Variants in SLC7A9 observed in about 807,000 individuals in gnomAD.
SLC7A9 encodes the protein B(0,+)-type amino acid transporter 1.
A neutral mutation model predicts 54.1 loss-of-function variants in SLC7A9; 38 were observed. The observed-to-expected ratio is 0.70, with a 90% confidence interval of 0.54 to 0.92. SLC7A9 has a LOEUF of 0.92. Among genes scored for constraint, SLC7A9 ranks in the 40% least tolerant of loss-of-function variants. The pLI is 0.00. For missense variants in SLC7A9, 537 were observed against 636.1 expected (o/e 0.84, Z 1.68); for synonymous variants, 264 against 258.9 (o/e 1.02, Z -0.19).
At chr19:32,864,928 G>A (rs1418019477) in intron 2 of SLC7A9, 152 bp from the exon 3 acceptor site, 14 of 922,428 alleles carry the variant, frequency 1.5e-5, no homozygotes, top group Admixed American at 2.0e-5. Context: ...TGGCAACACC[G>A]GGGCACCGCT....
In SLC7A9 at chr19:32,858,433, C is replaced by G; in HGVS notation, c.977+7G>C. ...CCACCCTGGGAGTGACGGTGGGGGT[C>G]CCCTACCTGCCCGCTGTGAAGCAGG... On this transcript the variant is annotated splice_region_variant and intron_variant, in intron 9 of 12. Coordinates refer to ENST00000023064, the MANE Select transcript of SLC7A9 (RefSeq NM_014270.5). 1 of 1,606,954 alleles carries G rather than the reference C, an allele frequency of 6.2e-7. No homozygotes were observed. Among genetic ancestry groups the G allele is most frequent in the Non-Finnish European group, 8.5e-7 (1 of 1,174,938 alleles).
In SLC7A9 at chr19:32,859,871, G is replaced by A. The variant is rs1279911121; in HGVS notation, c.843C>T (p.Thr281=). The change falls in exon 8 of 13, where the codon ACC becomes ACT. Residue 281 remains threonine, a synonymous_variant. Coordinates refer to ENST00000023064, the MANE Select transcript of SLC7A9 (RefSeq NM_014270.5). ...NVSYFTVMTA[T]ELLQSQAVAV... ...CCACCGCCTGGGACTGCAGGAGTTC[G>A]GTGGCAGTCATCACGGTGAAGTAGG... The A allele has an allele frequency of 1.1e-5, 18 of 1,614,136 alleles. No homozygotes were observed. The highest frequency in any genetic ancestry group is 1.7e-4 in the Middle Eastern group (1 of 6,060).
chr19:32,854,184 A>G (rs1229849656), intron 9 of SLC7A9, among the ~76,000 whole-genome samples: 2 of 151,688 alleles, frequency 1.3e-5, no homozygotes, highest in African/African-American at 4.8e-5. Flanking sequence ...GGCTAAGTCT[A>G]TTGTACTTTT....
chr19:32,851,420 A>T (rs1352851577), intron 9 of SLC7A9, among the ~76,000 whole-genome samples: 1 of 151,994 alleles, frequency 6.6e-6, no homozygotes, highest in Non-Finnish European at 1.5e-5. Flanking sequence ...ACATGAAAAA[A>T]TGCTCATCAT....
intron 11 of SLC7A9, among the ~76,000 whole-genome samples, chr19:32,837,998 T>C (rs1347381897): frequency 6.6e-6 from 1 of 152,176 alleles, no homozygotes; most frequent in African/African-American, 2.4e-5. Flanking sequence ...CAGGAAGGTA[T>C]TCTGAGGGAG....
At chr19:32,865,842 C>T (rs1383207390) in intron 2 of SLC7A9, among the ~76,000 whole-genome samples, 2 of 151,816 alleles carry the variant, frequency 1.3e-5, no homozygotes, top group African/African-American at 4.8e-5. Flanking sequence ...CATTTTGGTG[C>T]ACACCTGTTC....
chr19:32,833,427 C>G lies in SLC7A9; in HGVS notation c.1225-104G>C, dbSNP rs983591588. On this transcript the variant is annotated intron_variant, in intron 11 of 12. Coordinates refer to ENST00000023064, the MANE Select transcript of SLC7A9 (RefSeq NM_014270.5). The stretch of plus-strand genomic sequence containing the variant: ...GAGTATGAACTCCATGTACCCCCTC[C>G]TCCAATTTCAATCATTTTAATGTAA... The G allele has an allele frequency of 2.0e-5, 19 of 949,018 alleles. No individual in the cohort carries two copies. In the African/African-American group the frequency reaches 2.6e-4, roughly 13 times the overall value. The allele number at this position is 949,018 out of a possible 1,614,324, so 58.8% of individuals were successfully genotyped here.
At chr19:32,856,311 C>T (rs1159345176) in intron 9 of SLC7A9, among the ~76,000 whole-genome samples, 5 of 151,348 alleles carry the variant, frequency 3.3e-5, no homozygotes, top group African/African-American at 7.3e-5. Flanking sequence ...TCTCCTTCCT[C>T]AGCCTCCCAA....
intron 9 of SLC7A9, among the ~76,000 whole-genome samples, chr19:32,853,202 C>T (rs570090030): frequency 2.3e-4 from 35 of 152,214 alleles, no homozygotes; most frequent in Non-Finnish European, 2.6e-4. Context: ...TGAGCCACCA[C>T]GCCTGGCCCA....
chr19:32,832,930 C>A (rs947063958), intron 12 of SLC7A9: 1 of 568,354 alleles, frequency 1.8e-6, no homozygotes, highest in Admixed American at 3.0e-5. Context: ...GAAAATGGTG[C>A]TTTCCCTTCC....
chr19:32,837,864 T>C (rs919004015), intron 11 of SLC7A9, among the ~76,000 whole-genome samples: 8 of 152,212 alleles, frequency 5.3e-5, no homozygotes, highest in African/African-American at 1.9e-4. Flanking sequence ...TCCATATAAA[T>C]ATCAGCTGGA....
At chr19:32,832,523 T>C (rs1347595448) in intron 12 of SLC7A9, among the ~76,000 whole-genome samples, 5 of 139,304 alleles carry the variant, frequency 3.6e-5, no homozygotes, top group Non-Finnish European at 7.7e-5. Context: ...GAGGTGGAGG[T>C]TGCACAGTGA....
intron 2 of SLC7A9, 22 bp from the exon 3 acceptor site, chr19:32,864,798 G>C: frequency 6.2e-7 from 1 of 1,613,920 alleles, no homozygotes; most frequent in Admixed American, 1.7e-5. Flanking sequence ...GGAAGGAAGA[G>C]GGCGTTAGTG....
intron 10 of SLC7A9, among the ~76,000 whole-genome samples, chr19:32,843,223 G>A (rs1404441392): frequency 6.6e-6 from 1 of 152,104 alleles, no homozygotes; most frequent in East Asian, 1.9e-4. Context: ...TTGGGAGGCT[G>A]GGGTGGGCAA....
Position 32,858,548 on chromosome 19 carries a change from TG to T in SLC7A9, c.874-6del. 2.5e-6 allele frequency: 4 copies of T among 1,607,712 alleles called. No individual in the cohort carries two copies. The East Asian group carries it at 8.9e-5, about 36-fold the overall frequency. ...GAGAACACGGTCACCAAATGTCTGG[TG>T]AGAGAAGCGAGATGAGTCCTGAGGG... is the stretch of plus-strand genomic sequence containing the variant. On this transcript the variant is annotated splice_polypyrimidine_tract_variant and splice_region_variant and intron_variant, in intron 8 of 12. Coordinates refer to ENST00000023064, the MANE Select transcript of SLC7A9 (RefSeq NM_014270.5).
At chr19:32,868,374 T>G in intron 2 of SLC7A9, 74 bp downstream of exon 2, 1 of 1,112,824 alleles carries the variant, frequency 9.0e-7, no homozygotes. Flanking sequence ...GGCCCGGATT[T>G]CACTGCCTGC....
intron 9 of SLC7A9, among the ~76,000 whole-genome samples, chr19:32,846,955 G>A (rs60134887): frequency 0.11 from 17,259 of 152,226 alleles, 1,100 homozygotes; most frequent in Middle Eastern, 0.16. Flanking sequence ...GAAAACTCCA[G>A]CAGACCTGCA....
chr19:32,859,727 G>A (rs572222237), intron 8 of SLC7A9, 114 bp downstream of exon 8: 41 of 955,894 alleles, frequency 4.3e-5, no homozygotes, highest in African/African-American at 4.0e-4. Flanking sequence ...CCATGTCCCC[G>A]TCCGTGAATA....
chr19:32,838,794 TA>T (rs1968044853), intron 11 of SLC7A9, among the ~76,000 whole-genome samples: 1 of 145,750 alleles, frequency 6.9e-6, no homozygotes, highest in Non-Finnish European at 1.5e-5. Flanking sequence ...CATATACAAA[TA>T]TATACATATA....
Sources: gnomAD v4.1 joint callset for allele counts (sites outside exome capture counted in the v4.1 genomes callset) on GRCh38, gnomAD v4.1.1 for gene constraint, MANE v1.5 for transcripts, NCBI Gene and HGNC (gene_info 2026-07-23, HGNC 2026-07-21) for gene names.